The following PCDH15 variants were observed in gnomAD, a reference collection of about 807,000 sequenced individuals.
PCDH15 encodes protocadherin related 15.
A neutral mutation model predicts 178.5 loss-of-function variants in PCDH15; 129 were observed. The observed-to-expected ratio is 0.72, with a 90% CI of 0.63 to 0.84. The LOEUF is 0.84. Among genes scored for constraint, PCDH15 ranks in the 40% least tolerant of loss-of-function variants. The pLI, the probability that PCDH15 is intolerant of heterozygous loss-of-function variation, is 0.00. For synonymous variants in PCDH15, 800 were observed against 732.0 expected (o/e 1.09, Z -1.50); for missense variants, 2,230 against 2,099.9 (o/e 1.06, Z -1.21).
intron 1 of PCDH15, among the ~76,000 whole-genome samples, chr10:54,733,398 G>C (rs1418668182): frequency 6.6e-6 from 1 of 151,372 alleles, no homozygotes; most frequent in Non-Finnish European, 1.5e-5. Context: ...AGATATTTAG[G>C]TTAAATTCTA....
intron 1 of PCDH15, among the ~76,000 whole-genome samples, chr10:54,791,091 C>T (rs1340591976): frequency 1.3e-5 from 2 of 151,858 alleles, no homozygotes; most frequent in African/African-American, 2.4e-5. Flanking sequence ...TACTAATAAC[C>T]TCCATTTTTG....
Position 54,348,610 on chromosome 10 carries a change from T to G in PCDH15, c.475-2126A>C, listed in dbSNP as rs1034045820. On this transcript the variant is annotated intron_variant, in intron 5 of 37. Coordinates refer to ENST00000644397, the MANE Select transcript of PCDH15 (RefSeq NM_001384140.1). ...CATATAGAATTTTGTATATTTGTTG[T>G]GTACAACATGTTGTTTTAAAATATG... Among the ~76,000 whole-genome samples, 6 of 136,748 alleles carry G rather than the reference T, an allele frequency of 4.4e-5. No individual in the cohort carries two copies. The East Asian group carries it at 1.2e-3, about 26-fold the overall frequency. 89.7% of individuals were successfully genotyped at this position (136,748 alleles called of 152,430 possible). A position where few individuals can be genotyped will look rare whatever the true frequency, so the allele number is the denominator to read the frequency against.
chr10:54,570,046 G>C (rs1219999932), intron 2 of PCDH15, among the ~76,000 whole-genome samples: 1 of 151,664 alleles, frequency 6.6e-6, no homozygotes, highest in Non-Finnish European at 1.5e-5. Flanking sequence ...AGGGGTGTGT[G>C]TGTGTGTGTG....
At chr10:54,294,257 C>G (rs901797441) in intron 8 of PCDH15, among the ~76,000 whole-genome samples, 1 of 149,126 alleles carries the variant, frequency 6.7e-6, no homozygotes, top group East Asian at 2.0e-4. Context: ...AGTTGGGAAT[C>G]GAACAATGAG....
At chr10:54,369,328 C>T (rs1224229945) in intron 4 of PCDH15, 53 bp from the exon 5 acceptor site, 4 of 1,531,444 alleles carry the variant, frequency 2.6e-6, no homozygotes, top group East Asian at 2.3e-5. Flanking sequence ...CAAAGCTTCT[C>T]ATCACTGTCA....
intron 2 of PCDH15, among the ~76,000 whole-genome samples, chr10:55,104,513 C>T (rs1233719048): frequency 6.6e-6 from 1 of 152,054 alleles, no homozygotes; most frequent in Non-Finnish European, 1.5e-5. Flanking sequence ...TACAGCAATC[C>T]TGCATCCACA....
chr10:54,714,167 G>A (rs899937813), intron 1 of PCDH15, among the ~76,000 whole-genome samples: 1 of 152,118 alleles, frequency 6.6e-6, no homozygotes, highest in Admixed American at 6.6e-5. Flanking sequence ...ACTAAAGTGG[G>A]ACACTGAACT....
intron 3 of PCDH15, among the ~76,000 whole-genome samples, chr10:54,853,398 C>CAT (rs1414129652): frequency 9.8e-6 from 1 of 102,462 alleles, no homozygotes. Flanking sequence ...CATATATATA[C>CAT]ACACACATAT....
intron 8 of PCDH15, among the ~76,000 whole-genome samples, chr10:54,240,920 C>T (rs1036972688): frequency 2.0e-5 from 3 of 151,948 alleles, no homozygotes; most frequent in East Asian, 3.9e-4. Flanking sequence ...AGTGAGCCAC[C>T]GCGCCTGGCC....
At chr10:54,329,109 T>G (rs1591821867) in intron 7 of PCDH15, among the ~76,000 whole-genome samples, 1 of 151,990 alleles carries the variant, frequency 6.6e-6, no homozygotes, top group Admixed American at 6.6e-5. Context: ...GAACAATTAC[T>G]CAATAAATGA....
chr10:54,098,803 A>T (rs2094750351), intron 15 of PCDH15, among the ~76,000 whole-genome samples: 1 of 152,182 alleles, frequency 6.6e-6, no homozygotes, highest in Non-Finnish European at 1.5e-5. Flanking sequence ...GTGGAAAGAC[A>T]ATTGGCTTTG....
intron 28 of PCDH15, among the ~76,000 whole-genome samples, chr10:53,840,785 C>A (rs1177056222): frequency 6.6e-6 from 1 of 152,046 alleles, no homozygotes; most frequent in Non-Finnish European, 1.5e-5. Flanking sequence ...TGAGAAATGC[C>A]AAATATGCTG....
intron 13 of PCDH15, among the ~76,000 whole-genome samples, chr10:54,178,881 C>A (rs2047702331): frequency 6.6e-6 from 1 of 152,068 alleles, no homozygotes; most frequent in Non-Finnish European, 1.5e-5. Flanking sequence ...CCATCTCACA[C>A]CAGTTAGAAT....
At chr10:54,456,706 T>C (rs2076847742) in intron 3 of PCDH15, among the ~76,000 whole-genome samples, 1 of 152,070 alleles carries the variant, frequency 6.6e-6, no homozygotes, top group Non-Finnish European at 1.5e-5. Context: ...TTTGGCTGTG[T>C]CCCCACCCAA....
At chr10:54,520,767 A>G (rs965793299) in intron 3 of PCDH15, among the ~76,000 whole-genome samples, 1 of 150,818 alleles carries the variant, frequency 6.6e-6, no homozygotes, top group Non-Finnish European at 1.5e-5. Flanking sequence ...ATGCACACGT[A>G]TGTTTATTGC....
chr10:54,073,437 C>T lies in PCDH15; in HGVS notation c.2091+5894G>A, dbSNP rs1004147086. On this transcript the variant is annotated intron_variant, in intron 17 of 37. Transcript: ENST00000644397. The stretch of plus-strand genomic sequence containing the variant: ...TACTTTAACTTCACACATTTTCTCA[C>T]GCATGTATTTTTGCTTTTGTTAAAG... 8.5e-5 allele frequency among the ~76,000 whole-genome samples: 13 copies of T among 152,158 alleles called. No homozygotes were observed. The East Asian group carries it at 1.7e-3, about 20-fold the overall frequency.
chr10:54,867,371 C>T (rs1463358524), intron 3 of PCDH15, among the ~76,000 whole-genome samples: 1 of 152,078 alleles, frequency 6.6e-6, no homozygotes, highest in African/African-American at 2.4e-5. Flanking sequence ...TTGATGTTTA[C>T]TGGGTAAAAA....
chr10:53,868,352 C>A (rs942921119), intron 26 of PCDH15, among the ~76,000 whole-genome samples: 2 of 151,786 alleles, frequency 1.3e-5, no homozygotes, highest in Non-Finnish European at 2.9e-5. Flanking sequence ...TACAATCACA[C>A]AAAATAACAT....
At chr10:55,096,134 T>A (rs1591899947) in intron 2 of PCDH15, among the ~76,000 whole-genome samples, 3 of 152,126 alleles carry the variant, frequency 2.0e-5, no homozygotes, top group African/African-American at 7.2e-5. Context: ...ACAAGTCAAC[T>A]ATGTTCAATG....
Sources: gnomAD v4.1 joint callset for allele counts (sites outside exome capture counted in the v4.1 genomes callset) on GRCh38, gnomAD v4.1.1 for gene constraint, MANE v1.5 for transcripts, NCBI Gene and HGNC (gene_info 2026-07-23, HGNC 2026-07-21) for gene names.